Variants in ANK3 observed in about 807,000 individuals in gnomAD.
The protein encoded by ANK3 is ankyrin-3.
A neutral mutation model predicts 370.9 loss-of-function variants in ANK3; 57 were observed. That is an observed-to-expected ratio of 0.15 (90% confidence interval 0.12 to 0.19). The LOEUF is 0.19. Ranked by LOEUF, ANK3 falls within the 10% of genes least tolerant of loss-of-function variation. The probability of loss-of-function intolerance (pLI) is 1.00; values close to 1 mark genes in which losing one functional copy is unlikely to be tolerated. For synonymous variants in ANK3, 1,929 were observed against 1,946.3 expected (o/e 0.99, Z 0.23); for missense variants, 4,439 against 5,302.1 (o/e 0.84, Z 5.06).
At chr10:60,364,924 CT>C (rs1288828334) in intron 1 of ANK3, among the ~76,000 whole-genome samples, 4 of 151,266 alleles carry the variant, frequency 2.6e-5, no homozygotes, top group Admixed American at 1.3e-4. Flanking sequence ...CAACATCCAC[CT>C]TTTGTGGATT....
At chr10:60,116,846 A>T (rs1001772561) in intron 25 of ANK3, among the ~76,000 whole-genome samples, 1 of 152,192 alleles carries the variant, frequency 6.6e-6, no homozygotes, top group African/African-American at 2.4e-5. Context: ...AGAGCCAAAG[A>T]CAGAGGTTGC....
At chr10:60,236,957 G>A (rs1300235146) in intron 7 of ANK3, among the ~76,000 whole-genome samples, 1 of 152,208 alleles carries the variant, frequency 6.6e-6, no homozygotes, top group Admixed American at 6.5e-5. Flanking sequence ...GAGCGGTTGT[G>A]TTTCTAAAAC....
chr10:60,554,279 G>T (rs1364483814), intron 2 of ANK3, among the ~76,000 whole-genome samples: 2 of 151,976 alleles, frequency 1.3e-5, no homozygotes, highest in Non-Finnish European at 1.5e-5. Context: ...TTCAAAAGTA[G>T]TCAACCCATG....
intron 2 of ANK3, among the ~76,000 whole-genome samples, chr10:60,418,979 T>C (rs1346528017): frequency 6.6e-6 from 1 of 152,180 alleles, no homozygotes; most frequent in Non-Finnish European, 1.5e-5. Context: ...ACAATACATA[T>C]TAAAAAACAA....
chr10:60,249,982 A>G (rs2097624798), intron 7 of ANK3, among the ~76,000 whole-genome samples: 1 of 152,222 alleles, frequency 6.6e-6, no homozygotes, highest in South Asian at 2.1e-4. Context: ...TATCTATAAA[A>G]TTGTATATTT....
chr10:60,416,592 T>A (rs1037029673), intron 2 of ANK3, among the ~76,000 whole-genome samples: 3 of 152,190 alleles, frequency 2.0e-5, no homozygotes, highest in African/African-American at 7.2e-5. Flanking sequence ...AGGAAACTTT[T>A]GGAATGATGG....
At chr10:60,378,876 C>G (rs2132820869) in intron 1 of ANK3, among the ~76,000 whole-genome samples, 1 of 151,590 alleles carries the variant, frequency 6.6e-6, no homozygotes, top group South Asian at 2.1e-4. Context: ...TAAAAAGCCT[C>G]TGCACAGAAA....
intron 2 of ANK3, chr10:60,572,898 G>C: frequency 9.8e-7 from 1 of 1,021,988 alleles, no homozygotes; most frequent in African/African-American, 1.7e-5. Flanking sequence ...GAGAGAGAGA[G>C]AAAGAGAGAG....
intron 2 of ANK3, among the ~76,000 whole-genome samples, chr10:60,583,085 A>G (rs996810744): frequency 2.0e-5 from 3 of 152,228 alleles, no homozygotes; most frequent in African/African-American, 7.2e-5. Context: ...CACTATTCAC[A>G]ATAGTCAAGA....
intron 1 of ANK3, among the ~76,000 whole-genome samples, chr10:60,387,096 G>A (rs563839750): frequency 4.0e-4 from 61 of 151,988 alleles, no homozygotes; most frequent in African/African-American, 1.4e-3. Flanking sequence ...GGAGGTGGAG[G>A]TTGCAGTGAG....
chr10:60,145,410 T>G (rs1347919345), intron 23 of ANK3, among the ~76,000 whole-genome samples: 1 of 152,152 alleles, frequency 6.6e-6, no homozygotes, highest in Admixed American at 6.5e-5. Flanking sequence ...TTTTCTTTGA[T>G]CATACAGCAA....
intron 1 of ANK3, among the ~76,000 whole-genome samples, chr10:60,382,488 C>T (rs571355159): frequency 7.9e-4 from 120 of 152,212 alleles, no homozygotes; most frequent in African/African-American, 2.7e-3. Context: ...ATAAGCACCT[C>T]CCACATTTGA....
chr10:60,254,848 G>C (rs953359564), intron 7 of ANK3, among the ~76,000 whole-genome samples: 5 of 152,162 alleles, frequency 3.3e-5, no homozygotes, highest in African/African-American at 1.2e-4. Context: ...TATAGGTGCT[G>C]GGTGACCAGG....
intron 2 of ANK3, among the ~76,000 whole-genome samples, chr10:60,537,602 C>A (rs1160628386): frequency 6.6e-6 from 1 of 151,704 alleles, no homozygotes; most frequent in African/African-American, 2.4e-5. Context: ...AAATGATAAG[C>A]CTGCTTTTGA....
At chr10:60,337,505 T>A (rs544328071) in intron 1 of ANK3, among the ~76,000 whole-genome samples, 3 of 152,264 alleles carry the variant, frequency 2.0e-5, no homozygotes, top group Admixed American at 2.0e-4. Flanking sequence ...CTTATCAGGC[T>A]CCGACTGAAT....
intron 18 of ANK3, among the ~76,000 whole-genome samples, chr10:60,179,997 G>GTCTC (rs745311675): frequency 2.0e-5 from 3 of 150,276 alleles, no homozygotes; most frequent in East Asian, 1.9e-4. Flanking sequence ...GTTTAAGTCT[G>GTCTC]TCTCTCTCTC....
intron 2 of ANK3, among the ~76,000 whole-genome samples, chr10:60,506,608 A>G (rs1003818202): frequency 6.6e-6 from 1 of 152,152 alleles, no homozygotes; most frequent in Non-Finnish European, 1.5e-5. Flanking sequence ...TTCTAATCAG[A>G]ATTAAATACT....
intron 1 of ANK3, among the ~76,000 whole-genome samples, chr10:60,321,601 C>A (rs1378002103): frequency 1.3e-5 from 2 of 152,170 alleles, no homozygotes; most frequent in African/African-American, 4.8e-5. Flanking sequence ...ATTTAATTGT[C>A]ACAGTGTCCT....
chr10:60,337,402 C>A lies in ANK3; in HGVS notation c.114+52023G>T, dbSNP rs115321439. 8.3e-4 allele frequency among the ~76,000 whole-genome samples: 126 copies of A among 152,186 alleles called. 1 individual carries two copies. Among genetic ancestry groups the A allele is most frequent in the African/African-American group, 3.0e-3 (124 of 41,542 alleles). The stretch of plus-strand genomic sequence containing the variant: ...TCTAAGTTCTGATCCTTATACATGA[C>A]CCTCTCTGTTTTCCTCCAAACATCA... On this transcript the variant is annotated intron_variant, in intron 1 of 43. Transcript: ENST00000280772.
Sources: allele counts gnomAD v4.1 joint callset (sites outside exome capture counted in the v4.1 genomes callset), GRCh38; gene constraint gnomAD v4.1.1; transcripts MANE v1.5; gene names NCBI Gene and HGNC (gene_info 2026-07-23, HGNC 2026-07-21).